Variants in EFCAB6 observed in about 807,000 individuals in gnomAD.
EFCAB6 encodes the protein EF-hand calcium binding domain 6.
EFCAB6 carries 156 observed loss-of-function variants against 169.8 expected under a neutral mutation model. The ratio of observed to expected loss-of-function variants is 0.92; its 90% confidence interval spans 0.81 to 1.05. EFCAB6 has a LOEUF of 1.05. Among genes scored for constraint, EFCAB6 ranks in the 50% least tolerant of loss-of-function variants. EFCAB6 has a pLI of 0.00. For missense variants in EFCAB6, 1,800 were observed against 1,829.1 expected, an observed-to-expected ratio of 0.98 and a Z score of 0.29; for synonymous variants, 698 against 676.4, an observed-to-expected ratio of 1.03 and a Z score of -0.50.
At chr22:43,678,184 A>G (rs1379344571) in intron 12 of EFCAB6, 21 bp from the exon 13 acceptor site, 2 of 1,553,040 alleles carry the variant, frequency 1.3e-6, no homozygotes, top group Non-Finnish European at 1.7e-6. Flanking sequence ...GAGTGTATAT[A>G]AGGGAATTTT....
chr22:43,716,701 G>T (rs1055218422), intron 9 of EFCAB6, 147 bp downstream of exon 9: 62 of 846,798 alleles, frequency 7.3e-5, no homozygotes, highest in Non-Finnish European at 9.2e-5. Context: ...GCTGTTATTG[G>T]GAGGTAGAGG....
rs749620729 is a variant in EFCAB6 at position 43,590,156 on chromosome 22, T to A, written c.2950A>T (p.Ile984Leu). ...TKTDQSKTNY[I>L]SICKMQEVLE... ...ACTTCCTGCATCTTGCATATGGATATGTAGTTGGTTTTGGATTGATCAGTT... is the reference window on the plus strand; with the variant it reads ...ACTTCCTGCATCTTGCATATGGATAAGTAGTTGGTTTTGGATTGATCAGTT... The change falls in exon 24 of 32, where the codon ATA (isoleucine) becomes TTA (leucine). Residue 984 changes from isoleucine to leucine, a missense_variant. Coordinates refer to ENST00000262726, the MANE Select transcript of EFCAB6 (RefSeq NM_022785.4). 1 of 1,614,206 alleles carries A rather than the reference T, an allele frequency of 6.2e-7. No homozygotes were observed. The highest frequency in any genetic ancestry group is 1.3e-5 in the African/African-American group (1 of 75,072).
At chr22:43,676,426 A>G (rs2057765013) in intron 13 of EFCAB6, among the ~76,000 whole-genome samples, 2 of 151,918 alleles carry the variant, frequency 1.3e-5, no homozygotes, top group Admixed American at 1.3e-4. Context: ...CTCAAAAAAA[A>G]AAAAAAAAAA....
chr22:43,623,803 G>A (rs564581923), intron 20 of EFCAB6, among the ~76,000 whole-genome samples: 2 of 151,390 alleles, frequency 1.3e-5, no homozygotes, highest in East Asian at 3.9e-4. Context: ...CAGCTACTTG[G>A]GAGGCTGAGG....
At chr22:43,730,571 T>A (rs1282029114) in intron 8 of EFCAB6, among the ~76,000 whole-genome samples, 1 of 152,082 alleles carries the variant, frequency 6.6e-6, no homozygotes, top group African/African-American at 2.4e-5. Flanking sequence ...GAGAACAGCA[T>A]CTATATAAAC....
chr22:43,763,486 T>C (rs1408442153), intron 5 of EFCAB6, among the ~76,000 whole-genome samples: 1 of 152,178 alleles, frequency 6.6e-6, no homozygotes, highest in African/African-American at 2.4e-5. Flanking sequence ...TACACCCATG[T>C]ACATAAATTC....
At chr22:43,582,135 T>C (rs1211600619) in intron 24 of EFCAB6, among the ~76,000 whole-genome samples, 1 of 152,230 alleles carries the variant, frequency 6.6e-6, no homozygotes, top group Non-Finnish European at 1.5e-5. Context: ...TTGTTGTTTA[T>C]AAAAGTATCA....
intron 8 of EFCAB6, among the ~76,000 whole-genome samples, chr22:43,719,440 A>G (rs2059446595): frequency 6.6e-6 from 1 of 152,194 alleles, no homozygotes; most frequent in Non-Finnish European, 1.5e-5. Flanking sequence ...CATAAGCAAG[A>G]TGGTGGTGGC....
At chr22:43,614,534 G>A (rs1415197725) in intron 21 of EFCAB6, among the ~76,000 whole-genome samples, 2 of 152,090 alleles carry the variant, frequency 1.3e-5, no homozygotes, top group African/African-American at 4.8e-5. Context: ...CTCGTAAGAC[G>A]GCATAAGAGA....
intron 25 of EFCAB6, among the ~76,000 whole-genome samples, chr22:43,577,930 T>C (rs933453755): frequency 6.0e-5 from 9 of 149,220 alleles, no homozygotes; most frequent in African/African-American, 1.7e-4. Flanking sequence ...GGAGAGTGAG[T>C]GATTCCCACC....
chr22:43,798,789 G>C (rs2062601130), intron 2 of EFCAB6, among the ~76,000 whole-genome samples: 1 of 152,164 alleles, frequency 6.6e-6, no homozygotes, highest in African/African-American at 2.4e-5. Flanking sequence ...CCTCCTGCCT[G>C]GAGTCCTCTC....
intron 12 of EFCAB6, among the ~76,000 whole-genome samples, chr22:43,683,474 C>T (rs2058078899): frequency 1.3e-5 from 2 of 152,184 alleles, no homozygotes; most frequent in African/African-American, 4.8e-5. Flanking sequence ...ACTATTACGA[C>T]CTTGCCACAC....
At chr22:43,577,722 A>C (rs1255749338) in intron 25 of EFCAB6, among the ~76,000 whole-genome samples, 1 of 152,174 alleles carries the variant, frequency 6.6e-6, no homozygotes, top group Non-Finnish European at 1.5e-5. Context: ...GGGCAATGGC[A>C]GCGGCAGGCT....
At chr22:43,705,598 G>A (rs559963295) in intron 10 of EFCAB6, among the ~76,000 whole-genome samples, 4 of 152,064 alleles carry the variant, frequency 2.6e-5, no homozygotes, top group Admixed American at 6.5e-5. Flanking sequence ...CAAATACATG[G>A]AAATTAAACA....
chr22:43,697,987 A>G (rs1603241079), intron 10 of EFCAB6, among the ~76,000 whole-genome samples: 2 of 152,212 alleles, frequency 1.3e-5, no homozygotes, highest in Non-Finnish European at 2.9e-5. Context: ...TCTTTTGCCC[A>G]GGTCATAGAC....
intron 19 of EFCAB6, among the ~76,000 whole-genome samples, chr22:43,631,111 C>CA (rs1190192630): frequency 6.6e-6 from 1 of 151,810 alleles, no homozygotes; most frequent in African/African-American, 2.4e-5. Flanking sequence ...CACAGCCCCC[C>CA]AGGCTGCTCT....
At chr22:43,629,913 A>G (rs150401408) in intron 19 of EFCAB6, among the ~76,000 whole-genome samples, 1 of 152,298 alleles carries the variant, frequency 6.6e-6, no homozygotes, top group East Asian at 1.9e-4. Flanking sequence ...CAGGAGTCCA[A>G]GACGAATTGT....
chr22:43,630,774 T>G (rs2054882711), intron 19 of EFCAB6, among the ~76,000 whole-genome samples: 1 of 152,190 alleles, frequency 6.6e-6, no homozygotes, highest in African/African-American at 2.4e-5. Context: ...AAATGACCCC[T>G]GCCTCCTCCA....
In EFCAB6 at chr22:43,537,188, G is replaced by T. The variant is rs576048644; in HGVS notation, c.4048+189C>A. ...GATGGGCCCCCTGCTGGGAGGGCCG[G>T]GTAGTCGGAATCCTCCTCCATGGGG... On this transcript the variant is annotated intron_variant, in intron 29 of 31. Transcript: ENST00000262726. This position sits in a 1 kb window ranked among gnomAD's most constrained non-coding sequence, Gnocchi z 4.3. 2 of 619,486 alleles carry T rather than the reference G, an allele frequency of 3.2e-6. No individual in the cohort carries two copies. The highest frequency in any genetic ancestry group is 3.0e-5 in the Admixed American group (1 of 33,254). The allele number at this position is 619,486 out of a possible 1,614,324, so 38.4% of individuals were successfully genotyped here. A position where few individuals can be genotyped will look rare whatever the true frequency, so the allele number is the denominator to read the frequency against.
Sources: gnomAD v4.1 joint callset for allele counts (sites outside exome capture counted in the v4.1 genomes callset) on GRCh38, gnomAD v4.1.1 for gene constraint, Gnocchi (gnomAD v3.1) non-coding constraint, MANE v1.5 for transcripts, NCBI Gene and HGNC (gene_info 2026-07-23, HGNC 2026-07-21) for gene names.